The following TBC1D1 variants were observed in gnomAD, a reference collection of about 807,000 sequenced individuals.
TBC1D1 encodes the protein TBC1 (tre-2/USP6, BUB2, cdc16) domain family, member 1.
Under a neutral mutation model 125.6 loss-of-function variants are expected in TBC1D1, and 89 were observed. The observed-to-expected ratio is 0.71, with a 90% CI of 0.60 to 0.85. The LOEUF (loss-of-function observed/expected upper bound fraction) is 0.85, where lower values mean the gene tolerates loss of function less well. Ranked by LOEUF, TBC1D1 falls within the 40% of genes least tolerant of loss-of-function variation. The pLI is 0.00. For missense variants in TBC1D1, 1,377 were observed against 1,469.2 expected, an observed-to-expected ratio of 0.94 and a Z score of 1.03; for synonymous variants, 565 against 564.1, an observed-to-expected ratio of 1.00 and a Z score of -0.02.
At chr4:37,957,627 CAAAT>C (rs1300960764) in intron 2 of TBC1D1, among the ~76,000 whole-genome samples, 2 of 152,080 alleles carry the variant, frequency 1.3e-5, no homozygotes, top group Non-Finnish European at 2.9e-5. Context: ...AAAATAAAAA[CAAAT>C]AAATAAATAA....
chr4:37,923,879 CATGTT>C (rs1316403692), intron 2 of TBC1D1, among the ~76,000 whole-genome samples: 1 of 152,010 alleles, frequency 6.6e-6, no homozygotes, highest in African/African-American at 2.4e-5. Flanking sequence ...GGGGTTTCAC[CATGTT>C]GGCCAGGCTA....
chr4:38,091,334 T>A (rs1178462962), intron 13 of TBC1D1, among the ~76,000 whole-genome samples: 1 of 152,246 alleles, frequency 6.6e-6, no homozygotes, highest in Non-Finnish European at 1.5e-5. Context: ...TGGAAGATGA[T>A]AGCACACTGG....
At chr4:38,077,320 G>A (rs1303322240) in intron 12 of TBC1D1, among the ~76,000 whole-genome samples, 1 of 152,220 alleles carries the variant, frequency 6.6e-6, no homozygotes, top group African/African-American at 2.4e-5. Flanking sequence ...AGAGAAGAAA[G>A]GATGGGGAAA....
Position 38,139,161 on chromosome 4 carries a change from A to G in TBC1D1, c.*1826A>G, listed in dbSNP as rs1184289639. The G allele has an allele frequency of 6.6e-6, 1 of 151,434 alleles. No individual in the cohort carries two copies. The highest frequency in any genetic ancestry group is 1.5e-5 in the Non-Finnish European group (1 of 67,870). 9.4% of individuals were successfully genotyped at this position (151,434 alleles called of 1,614,324 possible). A position where few individuals can be genotyped will look rare whatever the true frequency, so the allele number is the denominator to read the frequency against. Reference sequence around the variant, plus strand: ...CAAGAAAGCAATAAAACAAGAAATAATTCATGCTCACATTTTTATGGTGGT... The same window carrying G: ...CAAGAAAGCAATAAAACAAGAAATAGTTCATGCTCACATTTTTATGGTGGT... On this transcript the variant is annotated 3_prime_UTR_variant, in exon 20 of 20. Coordinates refer to ENST00000261439, the MANE Select transcript of TBC1D1 (RefSeq NM_015173.4).
At chr4:37,910,572 C>T (rs1383601655) in intron 2 of TBC1D1, among the ~76,000 whole-genome samples, 2 of 151,930 alleles carry the variant, frequency 1.3e-5, no homozygotes, top group South Asian at 4.1e-4. Flanking sequence ...CATGTTCTCA[C>T]TTATTTATGG....
intron 2 of TBC1D1, among the ~76,000 whole-genome samples, chr4:37,907,012 C>A (rs1717493658): frequency 6.6e-6 from 1 of 152,194 alleles, no homozygotes; most frequent in Non-Finnish European, 1.5e-5. Context: ...TAAACATCTA[C>A]ATGTTAACAT....
intron 12 of TBC1D1, among the ~76,000 whole-genome samples, chr4:38,056,529 C>T (rs758252344): frequency 1.7e-4 from 26 of 152,216 alleles, no homozygotes; most frequent in Non-Finnish European, 7.3e-5. Context: ...GGTTTCCTGG[C>T]TTGGCACAGT....
intron 12 of TBC1D1, among the ~76,000 whole-genome samples, chr4:38,087,845 C>CAAAAAAAAAAAAA (rs1215951890): frequency 1.5e-5 from 1 of 67,880 alleles, no homozygotes; most frequent in African/African-American, 5.2e-5. Context: ...GATTCCGTCT[C>CAAAAAAAAAAAAA]AAAAAAAAAA....
At chr4:37,986,283 C>G (rs1735439672) in intron 2 of TBC1D1, among the ~76,000 whole-genome samples, 1 of 152,176 alleles carries the variant, frequency 6.6e-6, no homozygotes, top group African/African-American at 2.4e-5. Flanking sequence ...GATCACACAG[C>G]TAGTTTATGG....
At chr4:38,074,991 C>T (rs1755334065) in intron 12 of TBC1D1, among the ~76,000 whole-genome samples, 1 of 152,132 alleles carries the variant, frequency 6.6e-6, no homozygotes, top group Non-Finnish European at 1.5e-5. Context: ...GAACTCCTGA[C>T]CTCGTCATCC....
intron 1 of TBC1D1, among the ~76,000 whole-genome samples, chr4:37,895,312 A>T (rs1196016273): frequency 6.6e-6 from 1 of 152,206 alleles, no homozygotes; most frequent in Non-Finnish European, 1.5e-5. Context: ...AGGGTTATAC[A>T]TAATCTCTGA....
At chr4:37,983,683 CATCCCCTGTTATTAAT>C (rs1057122077) in intron 2 of TBC1D1, among the ~76,000 whole-genome samples, 3 of 152,154 alleles carry the variant, frequency 2.0e-5, no homozygotes, top group African/African-American at 7.2e-5. Context: ...ACATGCACAG[CATCCCCTGTTATTAAT>C]ATTCCTCACC....
chr4:38,001,795 C>T (rs1739147650), intron 2 of TBC1D1, among the ~76,000 whole-genome samples: 1 of 152,210 alleles, frequency 6.6e-6, no homozygotes, highest in Non-Finnish European at 1.5e-5. Context: ...CAGTTTTATA[C>T]ATCTCTCAAA....
chr4:38,131,630 A>T (rs1465587295), intron 18 of TBC1D1, among the ~76,000 whole-genome samples: 1 of 152,206 alleles, frequency 6.6e-6, no homozygotes, highest in Non-Finnish European at 1.5e-5. Context: ...ACTGTGGCTG[A>T]GAGAGGTTAA....
At chr4:38,052,750 A>G (rs2152484614) in intron 11 of TBC1D1, among the ~76,000 whole-genome samples, 1 of 148,508 alleles carries the variant, frequency 6.7e-6, no homozygotes, top group Middle Eastern at 3.4e-3. Context: ...ACACACACAC[A>G]CACACACACA....
At chr4:37,941,352 G>A in intron 2 of TBC1D1, among the ~76,000 whole-genome samples, 1 of 152,180 alleles carries the variant, frequency 6.6e-6, no homozygotes, top group Admixed American at 6.5e-5. Flanking sequence ...TTGTATTTCT[G>A]TGGGATCGGT....
intron 15 of TBC1D1, among the ~76,000 whole-genome samples, chr4:38,111,321 G>A (rs1762165580): frequency 6.6e-6 from 1 of 152,222 alleles, no homozygotes; most frequent in Admixed American, 6.5e-5. Context: ...AACTTTGATG[G>A]AAGGATGCCA....
chr4:37,987,149 C>T (rs933286712), intron 2 of TBC1D1, among the ~76,000 whole-genome samples: 2 of 152,116 alleles, frequency 1.3e-5, no homozygotes, highest in African/African-American at 4.8e-5. Flanking sequence ...ATAGAAGGGA[C>T]AATTATTTTA....
At chr4:38,086,156 AC>A (rs1757447818) in intron 12 of TBC1D1, among the ~76,000 whole-genome samples, 1 of 137,530 alleles carries the variant, frequency 7.3e-6, no homozygotes, top group Non-Finnish European at 1.6e-5. Flanking sequence ...TTAATCGTAA[AC>A]TATAAAAAAA....
Sources: gnomAD v4.1 joint callset for allele counts (sites outside exome capture counted in the v4.1 genomes callset) on GRCh38, gnomAD v4.1.1 for gene constraint, MANE v1.5 for transcripts, NCBI Gene and HGNC (gene_info 2026-07-23, HGNC 2026-07-21) for gene names.